The following MPP7 variants were observed in gnomAD, a reference collection of about 807,000 sequenced individuals.
The protein encoded by MPP7 is MAGUK p55 scaffold protein 7.
MPP7 carries 60 observed loss-of-function variants against 76.5 expected under a neutral mutation model. The ratio of observed to expected loss-of-function variants is 0.78; its 90% CI spans 0.64 to 0.97. The LOEUF (loss-of-function observed/expected upper bound fraction) is 0.97, where lower values mean the gene tolerates loss of function less well. MPP7 is among the 50% of genes least tolerant of loss of function. MPP7 has a pLI of 0.00. For missense variants in MPP7, 641 were observed against 694.0 expected (o/e 0.92, Z 0.86); for synonymous variants, 237 against 244.5 (o/e 0.97, Z 0.29).
upstream of MPP7, chr10:28,305,318 T>A (rs1412389803): frequency 2.0e-5 from 3 of 152,196 alleles, no homozygotes; most frequent in East Asian, 5.8e-4. Flanking sequence ...AACTTTGTAT[T>A]TTGTTACAAG....
chr10:28,258,991 ACTCAGAGAATGAGAAGG>A (rs1839870762), intron 1 of MPP7, among the ~76,000 whole-genome samples: 1 of 152,190 alleles, frequency 6.6e-6, no homozygotes, highest in African/African-American at 2.4e-5. Context: ...CAGAACTTTT[ACTCAGAGAATGAGAAGG>A]CTCAGGACTC....
intron 3 of MPP7, among the ~76,000 whole-genome samples, chr10:28,199,538 CT>C (rs1274034661): frequency 6.6e-6 from 1 of 152,046 alleles, no homozygotes; most frequent in Non-Finnish European, 1.5e-5. Context: ...CAAACTTCCT[CT>C]TTATAAGTAT....
At chr10:28,155,415 C>T (rs1018124724) in intron 3 of MPP7, among the ~76,000 whole-genome samples, 1 of 151,952 alleles carries the variant, frequency 6.6e-6, no homozygotes, top group Admixed American at 6.6e-5. Context: ...CATGGTGAAA[C>T]CCCAACTCTA....
chr10:28,328,907 A>T (rs1291096784), intron 2 of MPP7, among the ~76,000 whole-genome samples: 1 of 152,146 alleles, frequency 6.6e-6, no homozygotes, highest in Admixed American at 6.5e-5. Flanking sequence ...CACTGTTTTC[A>T]CCATTATAGC....
intron 2 of MPP7, among the ~76,000 whole-genome samples, chr10:28,227,938 CA>C (rs1456704832): frequency 1.3e-5 from 2 of 152,224 alleles, no homozygotes; most frequent in Admixed American, 1.3e-4. Flanking sequence ...CTCTCACCAA[CA>C]GGATAAAAGC....
At chr10:28,288,783 C>T (rs1416092779) in intron 1 of MPP7, among the ~76,000 whole-genome samples, 1 of 152,140 alleles carries the variant, frequency 6.6e-6, no homozygotes, top group Non-Finnish European at 1.5e-5. Flanking sequence ...CTTTGAGTTC[C>T]TGTTTGAACA....
At chr10:28,203,439 G>T (rs907288214) in intron 2 of MPP7, among the ~76,000 whole-genome samples, 2 of 143,420 alleles carry the variant, frequency 1.4e-5, no homozygotes, top group East Asian at 4.2e-4. Context: ...TGGGAGATCT[G>T]ATTAAATTGA....
Position 28,056,522 on chromosome 10 carries a change from A to C in MPP7, c.1509T>G (p.Ile503Met), listed in dbSNP as rs1851564822. Reference protein sequence around the residue: ...RLRETRKNAKIISSRDDQGAA... With the variant: ...RLRETRKNAKMISSRDDQGAA... ...CACCTTGGTCATCTCTGCTTGAAAT[A>C]ATCTTTGCATTTTTTCTTGTTTCTC... is the stretch of plus-strand genomic sequence containing the variant. The change falls in exon 16 of 17, where the codon ATT becomes ATG. Residue 503 changes from isoleucine to methionine, a missense_variant. By Grantham distance (10) the Ile-to-Met change is conservative (BLOSUM62 1). Coordinates refer to ENST00000683449, the MANE Select transcript of MPP7 (RefSeq NM_001318170.2). 4 of 1,612,688 alleles carry C rather than the reference A, an allele frequency of 2.5e-6. 1 individual carries two copies. Among genetic ancestry groups the C allele is most frequent in the Non-Finnish European group, 3.4e-6 (4 of 1,179,750 alleles).
At chr10:28,331,473 G>A (rs968598635) in intron 1 of MPP7, among the ~76,000 whole-genome samples, 8 of 152,076 alleles carry the variant, frequency 5.3e-5, no homozygotes, top group African/African-American at 1.4e-4. Flanking sequence ...TGTTGGTCTC[G>A]CTCATAATTT....
At chr10:28,200,938 A>C (rs897152530) in intron 3 of MPP7, among the ~76,000 whole-genome samples, 1 of 152,208 alleles carries the variant, frequency 6.6e-6, no homozygotes, top group African/African-American at 2.4e-5. Context: ...CTCAATCTAA[A>C]TAAACCCATA....
At chr10:28,176,374 A>G (rs1836861438) in intron 3 of MPP7, among the ~76,000 whole-genome samples, 1 of 151,556 alleles carries the variant, frequency 6.6e-6, no homozygotes, top group South Asian at 2.1e-4. Flanking sequence ...ACAAAACAAA[A>G]CACAGGAGTC....
intron 6 of MPP7, among the ~76,000 whole-genome samples, chr10:28,129,635 A>G (rs962056821): frequency 6.6e-6 from 1 of 152,090 alleles, no homozygotes; most frequent in Admixed American, 6.6e-5. Context: ...AAACTGCCGT[A>G]TTGCAAGGTC....
chr10:28,106,527 CAT>C (rs1402536984), intron 11 of MPP7, among the ~76,000 whole-genome samples: 3 of 152,146 alleles, frequency 2.0e-5, no homozygotes, highest in African/African-American at 7.2e-5. Flanking sequence ...CATAAGGAAA[CAT>C]AATCAAAAAG....
Position 28,262,275 on chromosome 10 carries a change from A to AT in MPP7, c.-131-23541dup, listed in dbSNP as rs1331900519. On this transcript the variant is annotated intron_variant, in intron 1 of 16. Transcript: ENST00000683449. ...TATATATATGTATATATATATATAT[A>AT]TATTTTTTTTTTTTTCTTCACCATG... Among the ~76,000 whole-genome samples the AT allele has an allele frequency of 2.6e-3, 64 of 24,670 alleles. 5 individuals carry two copies. Among genetic ancestry groups the AT allele is most frequent in the Non-Finnish European group, 4.3e-3 (53 of 12,386 alleles). 16.2% of individuals were successfully genotyped at this position (24,670 alleles called of 152,430 possible).
intron 3 of MPP7, among the ~76,000 whole-genome samples, chr10:28,158,770 G>T (rs945186178): frequency 6.6e-6 from 1 of 152,168 alleles, no homozygotes; most frequent in Admixed American, 6.5e-5. Context: ...GAGGTTTTGG[G>T]TTACACAAGC....
chr10:28,072,307 A>G (rs926735730), intron 12 of MPP7, among the ~76,000 whole-genome samples: 1 of 152,090 alleles, frequency 6.6e-6, no homozygotes, highest in Non-Finnish European at 1.5e-5. Flanking sequence ...AGTATGTGGG[A>G]TGAGACAGTG....
At chr10:28,307,392 A>G (rs983319355), upstream of MPP7, among the ~76,000 whole-genome samples, 1 of 152,154 alleles carries the variant, frequency 6.6e-6, no homozygotes, top group African/African-American at 2.4e-5. Context: ...ACCTCCTGAC[A>G]TCAATGTATT....
At chr10:28,217,517 ACT>A (rs1392442446) in intron 2 of MPP7, among the ~76,000 whole-genome samples, 8 of 138,968 alleles carry the variant, frequency 5.8e-5, no homozygotes, top group Admixed American at 1.5e-4. Context: ...ACAGAGTGAG[ACT>A]CTGTCTCAAA....
chr10:28,252,491 T>C (rs1007680211), intron 1 of MPP7, among the ~76,000 whole-genome samples: 2 of 152,204 alleles, frequency 1.3e-5, no homozygotes, highest in Non-Finnish European at 2.9e-5. Flanking sequence ...CTGTGAAGCA[T>C]TAAAAAATCA....
Sources: gnomAD v4.1 joint callset for allele counts (sites outside exome capture counted in the v4.1 genomes callset) on GRCh38, gnomAD v4.1.1 for gene constraint, MANE v1.5 for transcripts, NCBI Gene and HGNC (gene_info 2026-07-23, HGNC 2026-07-21) for gene names.